Variants in NSD3 observed in about 807,000 individuals in gnomAD.
NSD3 encodes the protein histone-lysine N-methyltransferase NSD3.
Under a neutral mutation model 160.8 loss-of-function variants are expected in NSD3, and 24 were observed. That is an observed-to-expected ratio of 0.15 (90% CI 0.11 to 0.21). The LOEUF (loss-of-function observed/expected upper bound fraction) is 0.21, where lower values mean the gene tolerates loss of function less well. NSD3 is among the 10% of genes least tolerant of loss of function. The pLI is 1.00. For synonymous variants in NSD3, 520 were observed against 600.0 expected (o/e 0.87, Z 1.95); for missense variants, 1,157 against 1,735.9 (o/e 0.67, Z 5.93).
rs1421718313 is a variant in NSD3 at position 38,270,765 on chromosome 8, A to G, written c.*4876T>C. 1 of 152,234 alleles carries G rather than the reference A, an allele frequency of 6.6e-6. No homozygotes were observed. Among genetic ancestry groups the G allele is most frequent in the Non-Finnish European group, 1.5e-5 (1 of 68,046 alleles). The allele number at this position is 152,234 out of a possible 1,614,324, so 9.4% of individuals were successfully genotyped here. On this transcript the variant is annotated 3_prime_UTR_variant, in exon 24 of 24. Coordinates refer to ENST00000317025, the MANE Select transcript of NSD3 (RefSeq NM_023034.2). Reference sequence around the variant, plus strand: ...AAGAAAACTAAGGACTGAATAAATGACTTTGGCATCTATTCTATTTTCCCT... The same window carrying G: ...AAGAAAACTAAGGACTGAATAAATGGCTTTGGCATCTATTCTATTTTCCCT...
intron 1 of NSD3, among the ~76,000 whole-genome samples, chr8:38,361,373 G>A (rs1021813637): frequency 7.2e-5 from 10 of 139,576 alleles, no homozygotes; most frequent in Non-Finnish European, 3.1e-5. Context: ...CAAGCAAGCC[G>A]CCTGCCTTGG....
chr8:38,351,778 A>C lies in NSD3; in HGVS notation c.-44-3563T>G, dbSNP rs574514871. On this transcript the variant is annotated intron_variant, in intron 1 of 23. Transcript: ENST00000317025. ...CAGCAAACTATCGCAAGGACAAAAA[A>C]CCAAACACCGCAGGTTCTCACTCAT... Among the ~76,000 whole-genome samples, 3 of 151,928 alleles carry C rather than the reference A, an allele frequency of 2.0e-5. No homozygotes were observed. The South Asian group carries it at 6.3e-4, about 32-fold the overall frequency.
At chr8:38,275,963 C>G in intron 23 of NSD3, 81 bp from the exon 24 acceptor site, 2 of 1,245,550 alleles carry the variant, frequency 1.6e-6, no homozygotes, top group South Asian at 2.9e-5. Context: ...AACCCAGGTT[C>G]CTTCTTCTCT....
chr8:38,345,483 T>C (rs1810496281), intron 2 of NSD3, among the ~76,000 whole-genome samples: 1 of 152,136 alleles, frequency 6.6e-6, no homozygotes, highest in Admixed American at 6.5e-5. Flanking sequence ...AATGCCACTT[T>C]CTCCAGCTAT....
chr8:38,364,126 A>C (rs1377687202), intron 1 of NSD3, among the ~76,000 whole-genome samples: 1 of 152,014 alleles, frequency 6.6e-6, no homozygotes, highest in Admixed American at 6.6e-5. Flanking sequence ...TACAAAAAAA[A>C]ATTAGCCAGG....
chr8:38,302,061 G>A (rs1192485150), intron 14 of NSD3, among the ~76,000 whole-genome samples: 1 of 152,246 alleles, frequency 6.6e-6, no homozygotes, highest in African/African-American at 2.4e-5. Flanking sequence ...GAAGAGGAGT[G>A]ATGTCAAACC....
At chr8:38,361,366 G>A (rs534513163) in intron 1 of NSD3, among the ~76,000 whole-genome samples, 1 of 152,092 alleles carries the variant, frequency 6.6e-6, no homozygotes, top group South Asian at 2.1e-4. Flanking sequence ...CTGGCCTCAA[G>A]CAAGCCGCCT....
intron 1 of NSD3, among the ~76,000 whole-genome samples, chr8:38,366,357 A>C (rs889500576): frequency 6.6e-6 from 1 of 152,096 alleles, no homozygotes; most frequent in East Asian, 1.9e-4. Flanking sequence ...GCCCACAAAA[A>C]CACACAAATA....
chr8:38,329,686 C>G lies in NSD3; in HGVS notation c.1273G>C (p.Val425Leu), dbSNP rs772634242. The G allele has an allele frequency of 6.2e-7, 1 of 1,614,248 alleles. No individual in the cohort carries two copies. Among genetic ancestry groups the G allele is most frequent in the Non-Finnish European group, 8.5e-7 (1 of 1,180,056 alleles). ...EVKKTRRPRS[V>L]LNTQPEQTNA... Reference sequence around the variant, plus strand: ...GTCTGTTCTGGCTGAGTATTCAGCACAGATCTTGGTCGTCGGGTTTTTTTA... The same window carrying G: ...GTCTGTTCTGGCTGAGTATTCAGCAGAGATCTTGGTCGTCGGGTTTTTTTA... Residue 425 changes from valine to leucine, a missense_variant, in exon 6 of 24, where the codon GTG (valine) becomes CTG (leucine). Val to Leu is a conservative substitution (Grantham distance 32). Around this residue, in one of 10 missense-constraint regions of NSD3, gnomAD observed 168 missense variants for 208.1 expected, o/e 0.81. Transcript: ENST00000317025. The surrounding 1 kb of genome is among the most constrained non-coding windows in gnomAD (Gnocchi z 4.8).
At chr8:38,373,677 T>G (rs1183598086) in intron 1 of NSD3, among the ~76,000 whole-genome samples, 2 of 152,024 alleles carry the variant, frequency 1.3e-5, no homozygotes, top group Non-Finnish European at 2.9e-5. Flanking sequence ...TTTTTTAACC[T>G]ATGAAATCCC....
chr8:38,364,131 G>A (rs1450647427), intron 1 of NSD3, among the ~76,000 whole-genome samples: 1 of 152,058 alleles, frequency 6.6e-6, no homozygotes, highest in African/African-American at 2.4e-5. Flanking sequence ...AAAAAAATTA[G>A]CCAGGCATGG....
chr8:38,310,675 C>CT lies in NSD3; in HGVS notation c.2242+3971dup, dbSNP rs919146524. Among the ~76,000 whole-genome samples, 204 of 138,128 alleles carry CT rather than the reference C, an allele frequency of 1.5e-3. 1 individual carries two copies. Among genetic ancestry groups the CT allele is most frequent in the South Asian group, 0.011 (49 of 4,288 alleles). 90.6% of individuals were successfully genotyped at this position (138,128 alleles called of 152,430 possible). On this transcript the variant is annotated intron_variant, in intron 12 of 23. Coordinates refer to ENST00000317025, the MANE Select transcript of NSD3 (RefSeq NM_023034.2). ...GGCACACGCCACCATGCCAGGCTAA[C>CT]TTTTTTTTTTTTTTTTGGTAGAAAT...
chr8:38,365,359 T>C (rs1460662234), intron 1 of NSD3, among the ~76,000 whole-genome samples: 1 of 152,218 alleles, frequency 6.6e-6, no homozygotes, highest in African/African-American at 2.4e-5. Flanking sequence ...CTGTTCTAGA[T>C]CTTGGGAAAT....
intron 2 of NSD3, among the ~76,000 whole-genome samples, chr8:38,342,574 A>AC (rs1255334743): frequency 1.3e-5 from 2 of 151,326 alleles, no homozygotes; most frequent in African/African-American, 2.4e-5. Flanking sequence ...TTAGCCTAGT[A>AC]CTTTTTTTTT....
intron 4 of NSD3, among the ~76,000 whole-genome samples, chr8:38,333,211 C>T (rs187227094): frequency 1.9e-4 from 29 of 152,184 alleles, no homozygotes; most frequent in African/African-American, 6.3e-4. Flanking sequence ...ACATAAAAGC[C>T]GAAATTTATA....
chr8:38,302,352 CT>C (rs1809297400), intron 14 of NSD3, among the ~76,000 whole-genome samples: 2 of 152,150 alleles, frequency 1.3e-5, no homozygotes, highest in African/African-American at 4.8e-5. Flanking sequence ...TTCTGAAAGA[CT>C]TTTGATTTAA....
At chr8:38,323,115 C>T (rs896507315) in intron 7 of NSD3, among the ~76,000 whole-genome samples, 20 of 152,230 alleles carry the variant, frequency 1.3e-4, no homozygotes, top group Admixed American at 2.6e-4. Flanking sequence ...AGTGCAATGG[C>T]GCGATCTTGG....
chr8:38,350,180 T>C (rs1436379376), intron 1 of NSD3, among the ~76,000 whole-genome samples: 1 of 152,232 alleles, frequency 6.6e-6, no homozygotes, highest in African/African-American at 2.4e-5. Context: ...GCATCATTTA[T>C]ATTCCTTTGG....
chr8:38,276,537 C>G (rs1808605778), intron 22 of NSD3, 37 bp from the exon 23 acceptor site: 1 of 1,608,978 alleles, frequency 6.2e-7, no homozygotes, highest in African/African-American at 1.3e-5. Flanking sequence ...TCAAACATCA[C>G]AGACAGTGCA....
Sources: allele counts gnomAD v4.1 joint callset (sites outside exome capture counted in the v4.1 genomes callset), GRCh38; gene constraint gnomAD v4.1.1; regional missense constraint gnomAD v4.1.1; non-coding constraint Gnocchi (gnomAD v3.1); transcripts MANE v1.5; gene names NCBI Gene and HGNC (gene_info 2026-07-23, HGNC 2026-07-21).